The following EPHA5 variants were observed in gnomAD, a reference collection of about 807,000 sequenced individuals.
EPHA5 encodes ephrin type-A receptor 5.
Under a neutral mutation model 105.0 loss-of-function variants are expected in EPHA5, and 60 were observed. The observed-to-expected ratio is 0.57, with a 90% confidence interval of 0.46 to 0.71. EPHA5 has a LOEUF of 0.71. Among genes scored for constraint, EPHA5 ranks in the 30% least tolerant of loss-of-function variants. The probability of loss-of-function intolerance (pLI) is 0.00; values close to 1 mark genes in which losing one functional copy is unlikely to be tolerated. For missense variants in EPHA5, 1,218 were observed against 1,274.7 expected, an observed-to-expected ratio of 0.96 and a Z score of 0.68; for synonymous variants, 513 against 449.1, an observed-to-expected ratio of 1.14 and a Z score of -1.80.
At chr4:65,558,717 G>A (rs924212083) in intron 3 of EPHA5, among the ~76,000 whole-genome samples, 4 of 151,886 alleles carry the variant, frequency 2.6e-5, no homozygotes, top group African/African-American at 9.7e-5. Flanking sequence ...ACAGGCCCTG[G>A]TGTGTGATGT....
At chr4:65,408,493 GA>G (rs1227464255) in intron 7 of EPHA5, among the ~76,000 whole-genome samples, 7 of 151,786 alleles carry the variant, frequency 4.6e-5, no homozygotes, top group Admixed American at 4.6e-4. Context: ...AAATTTACAA[GA>G]AAAAAACAAA....
intron 1 of EPHA5, among the ~76,000 whole-genome samples, chr4:65,655,289 C>T (rs1748957564): frequency 6.6e-6 from 1 of 151,910 alleles, no homozygotes; most frequent in South Asian, 2.1e-4. Context: ...ATTCAAATCA[C>T]CAGAAGTACT....
intron 5 of EPHA5, among the ~76,000 whole-genome samples, chr4:65,437,331 ATTG>A (rs1023548311): frequency 1.7e-4 from 26 of 152,072 alleles, no homozygotes; most frequent in African/African-American, 5.8e-4. Context: ...CTTAGTGGCT[ATTG>A]TTCTTGCAAG....
At chr4:65,332,615 T>TCG (rs776517764) in intron 15 of EPHA5, among the ~76,000 whole-genome samples, 2 of 68,014 alleles carry the variant, frequency 2.9e-5, no homozygotes, top group Admixed American at 1.9e-4. Context: ...GGTAATGGGG[T>TCG]GGTGGGGGGT....
chr4:65,355,727 T>C (rs1462939113), intron 11 of EPHA5, among the ~76,000 whole-genome samples: 5 of 151,564 alleles, frequency 3.3e-5, no homozygotes, highest in Non-Finnish European at 7.4e-5. Flanking sequence ...TTTGCCCAGT[T>C]TCAGGAATTT....
chr4:65,530,451 T>A (rs974494907), intron 3 of EPHA5, among the ~76,000 whole-genome samples: 1 of 151,936 alleles, frequency 6.6e-6, no homozygotes, highest in Non-Finnish European at 1.5e-5. Context: ...TATGATGTGT[T>A]TGTTGTGTGT....
intron 2 of EPHA5, among the ~76,000 whole-genome samples, chr4:65,626,049 C>A (rs866686688): frequency 3.4e-5 from 5 of 148,530 alleles, no homozygotes; most frequent in African/African-American, 5.0e-5. Flanking sequence ...TGCAGTGAGC[C>A]GAGATCGCGC....
chr4:65,417,810 TC>T (rs745658756), intron 6 of EPHA5, among the ~76,000 whole-genome samples: 5 of 152,166 alleles, frequency 3.3e-5, no homozygotes, highest in Non-Finnish European at 5.9e-5. Context: ...GTTGAATAAC[TC>T]TTTGTTGTAA....
At chr4:65,634,405 A>G (rs1746925009) in intron 2 of EPHA5, among the ~76,000 whole-genome samples, 1 of 152,054 alleles carries the variant, frequency 6.6e-6, no homozygotes, top group Non-Finnish European at 1.5e-5. Context: ...ACTAAATACA[A>G]TACTTGTCTT....
intron 5 of EPHA5, among the ~76,000 whole-genome samples, chr4:65,462,345 G>T (rs1478763239): frequency 1.3e-5 from 2 of 152,120 alleles, no homozygotes; most frequent in East Asian, 3.9e-4. Flanking sequence ...CATTTTGCAA[G>T]TATACCATGA....
intron 2 of EPHA5, among the ~76,000 whole-genome samples, chr4:65,621,389 GA>G (rs1745691993): frequency 6.6e-6 from 1 of 152,100 alleles, no homozygotes; most frequent in South Asian, 2.1e-4. Flanking sequence ...TGAATATGGA[GA>G]TAATAAGATA....
At chr4:65,372,848 T>C (rs911297313) in intron 8 of EPHA5, among the ~76,000 whole-genome samples, 6 of 151,870 alleles carry the variant, frequency 4.0e-5, no homozygotes, top group Non-Finnish European at 8.8e-5. Context: ...CCCAAAATAT[T>C]ATACACATGA....
At chr4:65,560,132 T>C (rs1473061249) in intron 3 of EPHA5, among the ~76,000 whole-genome samples, 2 of 152,114 alleles carry the variant, frequency 1.3e-5, no homozygotes, top group Non-Finnish European at 2.9e-5. Context: ...AACCTACAGC[T>C]CATTCTTTTG....
chr4:65,473,260 G>A (rs1233830907), intron 5 of EPHA5, among the ~76,000 whole-genome samples: 2 of 152,038 alleles, frequency 1.3e-5, no homozygotes, highest in Admixed American at 1.3e-4. Context: ...CCCTTCAAAC[G>A]ATGCCAACCT....
At position 65,588,664 on chromosome 4, in the gene EPHA5, A is replaced by G. The variant is rs924787251; in HGVS notation, c.910+12977T>C. On this transcript the variant is annotated intron_variant, in intron 3 of 16. Transcript: ENST00000613740. ...TATGGTCTCTCTATTCCTATAACATATATTTAATCATTAACAACATGCCTG... is the reference window on the plus strand; with the variant it reads ...TATGGTCTCTCTATTCCTATAACATGTATTTAATCATTAACAACATGCCTG... 2.0e-5 allele frequency among the ~76,000 whole-genome samples: 3 copies of G among 152,188 alleles called. No homozygotes were observed. In the East Asian group the frequency reaches 5.8e-4, roughly 29 times the overall value.
chr4:65,348,791 G>GTA (rs1207534628), intron 13 of EPHA5, among the ~76,000 whole-genome samples: 388 of 19,908 alleles, frequency 0.019, 47 homozygotes, highest in Non-Finnish European at 0.048. Context: ...GTGTGTGTGT[G>GTA]TGTATATATA....
At chr4:65,487,564 C>A (rs1007653588) in intron 5 of EPHA5, among the ~76,000 whole-genome samples, 6 of 152,110 alleles carry the variant, frequency 3.9e-5, no homozygotes, top group African/African-American at 1.4e-4. Flanking sequence ...TCAGACACTG[C>A]AGCATTCTGA....
intron 3 of EPHA5, among the ~76,000 whole-genome samples, chr4:65,551,096 ATG>A (rs777426322): frequency 4.6e-5 from 7 of 151,822 alleles, no homozygotes; most frequent in African/African-American, 1.7e-4. Flanking sequence ...ATTCACATAT[ATG>A]TGTATATATG....
At chr4:65,356,664 G>A (rs1723327091) in intron 11 of EPHA5, among the ~76,000 whole-genome samples, 1 of 151,442 alleles carries the variant, frequency 6.6e-6, no homozygotes, top group Non-Finnish European at 1.5e-5. Flanking sequence ...CACATGATGG[G>A]GGAAAAGCAA....
Sources: allele counts gnomAD v4.1 joint callset (sites outside exome capture counted in the v4.1 genomes callset), GRCh38; gene constraint gnomAD v4.1.1; transcripts MANE v1.5; gene names NCBI Gene and HGNC (gene_info 2026-07-23, HGNC 2026-07-21).